Variants in PLXNA4 observed in about 807,000 individuals in gnomAD.
The protein encoded by PLXNA4 is plexin A4.
PLXNA4 carries 44 observed loss-of-function variants against 191.8 expected under a neutral mutation model. The observed-to-expected ratio is 0.23, with a 90% CI of 0.18 to 0.29. PLXNA4 has a LOEUF of 0.29. Ranked by LOEUF, PLXNA4 falls within the 10% of genes least tolerant of loss-of-function variation. The pLI, the probability that PLXNA4 is intolerant of heterozygous loss-of-function variation, is 1.00. For synonymous variants in PLXNA4, 1,082 were observed against 1,009.5 expected, an observed-to-expected ratio of 1.07 and a Z score of -1.36; for missense variants, 1,800 against 2,488.8, an observed-to-expected ratio of 0.72 and a Z score of 5.89.
chr7:132,330,605 C>G lies in PLXNA4; in HGVS notation c.1372-32383G>C, dbSNP rs182826169. Among the ~76,000 whole-genome samples, 8 of 152,298 alleles carry G rather than the reference C, an allele frequency of 5.3e-5. No homozygotes were observed. In the East Asian group the frequency reaches 1.4e-3, roughly 26 times the overall value. On this transcript the variant is annotated intron_variant, in intron 3 of 31. Transcript: ENST00000321063. The stretch of plus-strand genomic sequence containing the variant: ...TTGCACTGGGGATCCTGCCCAGGCC[C>G]CAACTGTGTCTGCATCTGGCTGTAG...
At chr7:132,556,847 G>A (rs1220498533) in intron 1 of PLXNA4, among the ~76,000 whole-genome samples, 14 of 152,230 alleles carry the variant, frequency 9.2e-5, no homozygotes, top group Admixed American at 9.2e-4. Context: ...TAATATGAGA[G>A]AAGTCATTTA....
At position 132,557,807 on chromosome 7, in the gene PLXNA4, G is replaced by T. The variant is rs578059214; in HGVS notation, c.-87+18615C>A. On this transcript the variant is annotated intron_variant, in intron 1 of 31. Coordinates refer to ENST00000321063, the MANE Select transcript of PLXNA4 (RefSeq NM_020911.2). Reference sequence around the variant, plus strand: ...ATGGACATCACTGCCTGCAGACTTCGCCAGGAAGCTACTTCCCACTTCCTG... The same window carrying T: ...ATGGACATCACTGCCTGCAGACTTCTCCAGGAAGCTACTTCCCACTTCCTG... Among the ~76,000 whole-genome samples, 4 of 152,158 alleles carry T rather than the reference G, an allele frequency of 2.6e-5. No homozygotes were observed. The South Asian group carries it at 6.3e-4, about 24-fold the overall frequency.
chr7:132,487,686 G>A (rs1296756999), intron 3 of PLXNA4, among the ~76,000 whole-genome samples: 1 of 152,162 alleles, frequency 6.6e-6, no homozygotes, highest in African/African-American at 2.4e-5. Flanking sequence ...AGGATTCCTG[G>A]CAGCAACTGG....
chr7:132,270,777 T>A (rs1040492563), intron 4 of PLXNA4, among the ~76,000 whole-genome samples: 1 of 152,252 alleles, frequency 6.6e-6, no homozygotes, highest in Non-Finnish European at 1.5e-5. Context: ...TTAAAGTGCC[T>A]ACACAATATG....
intron 12 of PLXNA4, among the ~76,000 whole-genome samples, chr7:132,198,910 C>A (rs115315323): frequency 6.6e-6 from 1 of 152,322 alleles, no homozygotes; most frequent in African/African-American, 2.4e-5. Context: ...ACATGACCAG[C>A]AATGCTACCG....
Position 132,508,667 on chromosome 7 carries a change from G to T in PLXNA4, c.27C>A (p.Thr9=). 6.4e-7 allele frequency: 1 copy of T among 1,553,270 alleles called. No individual in the cohort carries two copies. The highest frequency in any genetic ancestry group is 2.3e-5 in the East Asian group (1 of 42,736). Residue 9 remains threonine (T), a synonymous_variant, in exon 2 of 32, where the codon ACC becomes ACA. Transcript: ENST00000321063. This position sits in a 1 kb window ranked among gnomAD's most constrained non-coding sequence, Gnocchi z 4.4. MKAMPWNW[T]CLLSHLLMVG... ...CCATGAGGAGGTGGGAGAGAAGGCA[G>T]GTCCAGTTCCAGGGCATGGCTTTCA...
At chr7:132,287,164 A>C (rs896512995) in intron 4 of PLXNA4, among the ~76,000 whole-genome samples, 17 of 152,292 alleles carry the variant, frequency 1.1e-4, no homozygotes, top group African/African-American at 2.6e-4. Context: ...CCTTCCAGGT[A>C]GCTGAGACTA....
chr7:132,561,678 TCCTCCTCCTTCA>T (rs1801096778), intron 1 of PLXNA4, among the ~76,000 whole-genome samples: 1 of 134,648 alleles, frequency 7.4e-6, no homozygotes, highest in Non-Finnish European at 1.6e-5. Context: ...CTCCTCCTTC[TCCTCCTCCTTCA>T]CCTCCTCCTA....
intron 3 of PLXNA4, among the ~76,000 whole-genome samples, chr7:132,416,802 G>A (rs1794676575): frequency 6.6e-6 from 1 of 152,114 alleles, no homozygotes; most frequent in Admixed American, 6.5e-5. Flanking sequence ...ATAAACCAAT[G>A]GATGTTTGGC....
rs934476523 is a variant in PLXNA4 at position 132,554,814 on chromosome 7, A to G, written c.-87+21608T>C. Among the ~76,000 whole-genome samples, 9 of 152,312 alleles carry G rather than the reference A, an allele frequency of 5.9e-5. No homozygotes were observed. In the East Asian group the frequency reaches 1.7e-3, roughly 29 times the overall value. ...GGCAAGTGAGGACATCCAAGTATGC[A>G]AACACCATGTACACTGAACACACCT... is the stretch of plus-strand genomic sequence containing the variant. On this transcript the variant is annotated intron_variant, in intron 1 of 31. Coordinates refer to ENST00000321063, the MANE Select transcript of PLXNA4 (RefSeq NM_020911.2).
At chr7:132,351,018 T>C (rs1215641849) in intron 3 of PLXNA4, among the ~76,000 whole-genome samples, 3 of 152,214 alleles carry the variant, frequency 2.0e-5, no homozygotes, top group East Asian at 1.9e-4. Context: ...TTATGCTGAG[T>C]AAGAAAGAAG....
intron 2 of PLXNA4, among the ~76,000 whole-genome samples, chr7:132,632,065 G>A (rs536933922): frequency 3.7e-4 from 57 of 152,064 alleles, no homozygotes; most frequent in African/African-American, 1.1e-3. Context: ...TGAAACCCCC[G>A]TCTCTACTAA....
intron 3 of PLXNA4, among the ~76,000 whole-genome samples, chr7:132,475,428 G>C (rs916709498): frequency 1.3e-5 from 2 of 152,190 alleles, no homozygotes; most frequent in Non-Finnish European, 2.9e-5. Flanking sequence ...GAAAATGTTA[G>C]AGATAGAGAT....
chr7:132,187,725 G>T, intron 14 of PLXNA4, 118 bp from the exon 15 acceptor site: 1 of 1,456,658 alleles, frequency 6.9e-7, no homozygotes, highest in Non-Finnish European at 9.0e-7. Flanking sequence ...TGGTAACAGT[G>T]GTCTCCCAGA....
chr7:132,612,926 T>C (rs1159714215), intron 2 of PLXNA4, among the ~76,000 whole-genome samples: 1 of 152,134 alleles, frequency 6.6e-6, no homozygotes. Context: ...ATACACATGA[T>C]CTTCGTAAGA....
intron 1 of PLXNA4, among the ~76,000 whole-genome samples, chr7:132,537,249 T>C (rs12707045): frequency 0.71 from 107,355 of 152,106 alleles, 39,962 homozygotes; most frequent in South Asian, 0.89. Context: ...CAGCCAGGTG[T>C]CCTTTTCGTG....
At chr7:132,239,937 C>T (rs1798821946) in intron 5 of PLXNA4, among the ~76,000 whole-genome samples, 1 of 152,168 alleles carries the variant, frequency 6.6e-6, no homozygotes, top group Admixed American at 6.5e-5. Flanking sequence ...CCCTAAGGAA[C>T]TCAAGGACTC....
At chr7:132,447,859 A>C (rs1271430084) in intron 3 of PLXNA4, among the ~76,000 whole-genome samples, 2 of 152,122 alleles carry the variant, frequency 1.3e-5, no homozygotes, top group Non-Finnish European at 2.9e-5. Flanking sequence ...CTTTTTAAAA[A>C]AATTAGCCAG....
intron 1 of PLXNA4, among the ~76,000 whole-genome samples, chr7:132,647,812 A>C (rs1222240281): frequency 6.6e-6 from 1 of 151,830 alleles, no homozygotes; most frequent in Non-Finnish European, 1.5e-5. Context: ...TCACACACAT[A>C]CACATACACT....
Sources: gnomAD v4.1 joint callset for allele counts (sites outside exome capture counted in the v4.1 genomes callset) on GRCh38, gnomAD v4.1.1 for gene constraint, Gnocchi (gnomAD v3.1) non-coding constraint, MANE v1.5 for transcripts, NCBI Gene and HGNC (gene_info 2026-07-23, HGNC 2026-07-21) for gene names.